Variants in CUEDC1 observed in about 807,000 individuals in gnomAD.
CUEDC1 encodes CUE domain containing 1.
Under a neutral mutation model 43.7 loss-of-function variants are expected in CUEDC1, and 30 were observed. That is an observed-to-expected ratio of 0.69 (90% CI 0.51 to 0.93). The LOEUF is 0.93. Among genes scored for constraint, CUEDC1 ranks in the 40% least tolerant of loss-of-function variants. The pLI is 0.00. For synonymous variants in CUEDC1, 223 were observed against 223.6 expected (o/e 1.00, Z 0.02); for missense variants, 486 against 549.0 (o/e 0.89, Z 1.15).
chr17:57,935,388 CACACACACACACACACAA>C (rs903379569), intron 1 of CUEDC1, among the ~76,000 whole-genome samples: 2 of 143,316 alleles, frequency 1.4e-5, no homozygotes, highest in Non-Finnish European at 3.1e-5. Flanking sequence ...GACACACACA[CACACACACACACACACAA>C]ACACACACAC....
At chr17:57,927,297 C>T (rs2074757095) in intron 1 of CUEDC1, among the ~76,000 whole-genome samples, 1 of 151,836 alleles carries the variant, frequency 6.6e-6, no homozygotes, top group African/African-American at 2.4e-5. Flanking sequence ...CTCCTCCTCC[C>T]CACTCCCCCC....
chr17:57,906,475 T>G (rs771769866), intron 1 of CUEDC1, among the ~76,000 whole-genome samples: 1 of 152,216 alleles, frequency 6.6e-6, no homozygotes, highest in Non-Finnish European at 1.5e-5. Context: ...AATTGGGGAC[T>G]TATTACTTAA....
chr17:57,885,550 G>A lies in CUEDC1; in HGVS notation c.15C>T (p.Phe5=). The change falls in exon 2 of 11, where the codon TTC becomes TTT. Residue 5 remains phenylalanine, a synonymous_variant. Transcript: ENST00000577830. MTSL[F]RRSSSGSGGG... is the part of the protein sequence containing the mutation. ...CGCCGCTGCCGCTGCTGCTCCGGCG[G>A]AACAGGCTGGTCATTTTGCGGAGCC... 7.3e-7 allele frequency: 1 copy of A among 1,367,740 alleles called. No individual in the cohort carries two copies. Among genetic ancestry groups the A allele is most frequent in the South Asian group, 1.7e-5 (1 of 57,692 alleles). 84.7% of individuals were successfully genotyped at this position (1,367,740 alleles called of 1,614,324 possible).
chr17:57,878,014 G>C (rs2074151223), intron 3 of CUEDC1, among the ~76,000 whole-genome samples: 1 of 151,826 alleles, frequency 6.6e-6, no homozygotes, highest in African/African-American at 2.4e-5. Flanking sequence ...TCCCACTCCA[G>C]TACAGCCTGC....
chr17:57,873,719 T>C lies in CUEDC1; in HGVS notation c.465-2A>G. 1 of 1,570,384 alleles carries C rather than the reference T, an allele frequency of 6.4e-7. No homozygotes were observed. Among genetic ancestry groups the C allele is most frequent in the East Asian group, 2.4e-5 (1 of 42,430 alleles). On this transcript the variant is annotated splice_acceptor_variant, in intron 3 of 10. Transcript: ENST00000577830. LOFTEE classifies it high-confidence loss of function. The stretch of plus-strand genomic sequence containing the variant: ...GCTCCAGAGCCCAGCGCGTCGATAC[T>C]AGGGGATGGCAGGTGACAGGGAAGA...
chr17:57,890,191 C>G (rs758924904), intron 1 of CUEDC1, among the ~76,000 whole-genome samples: 2 of 151,994 alleles, frequency 1.3e-5, no homozygotes, highest in Non-Finnish European at 2.9e-5. Context: ...TCCTAAGAGG[C>G]AAAAAATGCC....
chr17:57,944,932 G>C (rs2074947511), intron 1 of CUEDC1, among the ~76,000 whole-genome samples: 1 of 152,170 alleles, frequency 6.6e-6, no homozygotes, highest in Non-Finnish European at 1.5e-5. Flanking sequence ...TTAGGGAGAG[G>C]GTGTCGCCCC....
At chr17:57,863,715 A>T (rs1484770102) in intron 10 of CUEDC1, among the ~76,000 whole-genome samples, 10 of 152,212 alleles carry the variant, frequency 6.6e-5, no homozygotes, top group Non-Finnish European at 1.3e-4. Context: ...CTTTACTCAG[A>T]AGACTCATTC....
chr17:57,908,983 C>T (rs981402364), intron 1 of CUEDC1, among the ~76,000 whole-genome samples: 18 of 151,824 alleles, frequency 1.2e-4, no homozygotes, highest in Admixed American at 3.3e-4. Flanking sequence ...GGTGACAGAA[C>T]GAGACTGTCT....
chr17:57,884,684 T>A (rs1469078469), intron 2 of CUEDC1, among the ~76,000 whole-genome samples: 1 of 152,148 alleles, frequency 6.6e-6, no homozygotes, highest in Non-Finnish European at 1.5e-5. Flanking sequence ...TTCCTTTGGG[T>A]CTCAGCTTAG....
rs1164021787 is a variant in CUEDC1, at chr17:57,866,560, A to T, written c.1094-16T>A. ...AAGTCTTCATCTGAAAAGGAGAGGGAAGCTGCCTCATCCTCTACCCTGCAG... is the reference window on the plus strand; with the variant it reads ...AAGTCTTCATCTGAAAAGGAGAGGGTAGCTGCCTCATCCTCTACCCTGCAG... On this transcript the variant is annotated splice_polypyrimidine_tract_variant and intron_variant, in intron 9 of 10. Transcript: ENST00000577830. 1 of 1,613,840 alleles carries T rather than the reference A, an allele frequency of 6.2e-7. No individual in the cohort carries two copies. Among genetic ancestry groups the T allele is most frequent in the African/African-American group, 1.3e-5 (1 of 74,896 alleles).
intron 1 of CUEDC1, among the ~76,000 whole-genome samples, chr17:57,945,614 A>C (rs954345258): frequency 6.6e-6 from 1 of 152,246 alleles, no homozygotes; most frequent in Non-Finnish European, 1.5e-5. Flanking sequence ...GTGATTTCAC[A>C]AAATGAAAAT....
chr17:57,920,738 T>C (rs2074690758), intron 1 of CUEDC1, among the ~76,000 whole-genome samples: 1 of 151,624 alleles, frequency 6.6e-6, no homozygotes, highest in South Asian at 2.1e-4. Flanking sequence ...TTTGAGTGAT[T>C]CTCCTGCCTT....
chr17:57,932,243 C>T (rs188286745), intron 1 of CUEDC1, among the ~76,000 whole-genome samples: 269 of 146,546 alleles, frequency 1.8e-3, no homozygotes, highest in African/African-American at 6.8e-3. Flanking sequence ...GATCGCGCGA[C>T]AGCACTCCAG....
At chr17:57,864,427 A>G (rs1043781745) in intron 10 of CUEDC1, among the ~76,000 whole-genome samples, 3 of 152,152 alleles carry the variant, frequency 2.0e-5, no homozygotes, top group African/African-American at 7.2e-5. Context: ...AAGGAGAGCC[A>G]GTATTTAGGG....
chr17:57,921,275 C>G (rs1471033770), intron 1 of CUEDC1, among the ~76,000 whole-genome samples: 1 of 152,050 alleles, frequency 6.6e-6, no homozygotes, highest in Non-Finnish European at 1.5e-5. Flanking sequence ...TCTCAGGGAC[C>G]AACAATGCAG....
intron 1 of CUEDC1, among the ~76,000 whole-genome samples, chr17:57,915,670 G>A (rs1299193514): frequency 3.3e-5 from 5 of 152,234 alleles, no homozygotes; most frequent in Non-Finnish European, 7.4e-5. Flanking sequence ...CCTTGCCCAC[G>A]TGCCACAGCT....
chr17:57,953,856 G>A (rs2075030275), intron 1 of CUEDC1, among the ~76,000 whole-genome samples: 1 of 152,174 alleles, frequency 6.6e-6, no homozygotes, highest in South Asian at 2.1e-4. Context: ...TGCAGAAAGT[G>A]GACAGCGGGT....
chr17:57,865,001 G>A (rs1215248281), intron 10 of CUEDC1, among the ~76,000 whole-genome samples: 1 of 152,212 alleles, frequency 6.6e-6, no homozygotes, highest in Non-Finnish European at 1.5e-5. Flanking sequence ...AGGTTGCAAT[G>A]AGCCAAGATT....
Sources: gnomAD v4.1 joint callset for allele counts (sites outside exome capture counted in the v4.1 genomes callset) on GRCh38, gnomAD v4.1.1 for gene constraint, MANE v1.5 for transcripts, NCBI Gene and HGNC (gene_info 2026-07-23, HGNC 2026-07-21) for gene names.